The following LCORL variants were observed in gnomAD, a reference collection of about 807,000 sequenced individuals.
LCORL encodes ligand-dependent nuclear receptor corepressor-like protein.
Under a neutral mutation model 141.8 loss-of-function variants are expected in LCORL, and 41 were observed. That is an observed-to-expected ratio of 0.29 (90% confidence interval 0.23 to 0.38). The LOEUF (loss-of-function observed/expected upper bound fraction) is 0.38, where lower values mean the gene tolerates loss of function less well. Ranked by LOEUF, LCORL falls within the 10% of genes least tolerant of loss-of-function variation. The probability of loss-of-function intolerance (pLI) is 1.00; values close to 1 mark genes in which losing one functional copy is unlikely to be tolerated. For missense variants in LCORL, 1,759 were observed against 2,035.0 expected (o/e 0.86, Z 2.61); for synonymous variants, 618 against 694.1 (o/e 0.89, Z 1.72).
At chr4:17,841,617 C>T (rs1285980824) in exon 8 of LCORL, 1 of 151,780 alleles carries the variant, frequency 6.6e-6, no homozygotes, top group Non-Finnish European at 1.5e-5. Flanking sequence ...TGTGGTATAT[C>T]ACACCATGAG....
At chr4:17,885,763 G>T (rs374645677) in intron 6 of LCORL, among the ~76,000 whole-genome samples, 2 of 151,768 alleles carry the variant, frequency 1.3e-5, no homozygotes, top group African/African-American at 4.8e-5. Context: ...TTAAAATTGC[G>T]TCCTGAGTAT....
chr4:17,913,312 GCTTTCAAT>G (rs1732874935), intron 4 of LCORL, among the ~76,000 whole-genome samples: 1 of 152,190 alleles, frequency 6.6e-6, no homozygotes, highest in African/African-American at 2.4e-5. Flanking sequence ...CAACAGCAGA[GCTTTCAAT>G]GAAAAATTTA....
chr4:17,962,032 C>A, exon 4 of LCORL: 4 of 1,578,588 alleles, frequency 2.5e-6, no homozygotes, highest in Non-Finnish European at 3.4e-6. Flanking sequence ...GGTATACAAT[C>A]CTAAAAGTAT....
At chr4:18,009,458 C>T (rs913882898) in intron 1 of LCORL, among the ~76,000 whole-genome samples, 2 of 152,068 alleles carry the variant, frequency 1.3e-5, no homozygotes, top group African/African-American at 4.8e-5. Flanking sequence ...CCTCCCTACC[C>T]TGCTCAGGCT....
intron 4 of LCORL, among the ~76,000 whole-genome samples, chr4:17,949,222 T>C (rs207464329): frequency 6.6e-6 from 1 of 152,072 alleles, no homozygotes; most frequent in Non-Finnish European, 1.5e-5. Context: ...TGACTACGTG[T>C]ACAATTGATG....
intron 2 of LCORL, among the ~76,000 whole-genome samples, chr4:17,964,481 A>C (rs1447917827): frequency 6.6e-6 from 1 of 151,792 alleles, no homozygotes; most frequent in Non-Finnish European, 1.5e-5. Flanking sequence ...TATGTGATTT[A>C]ATAAGGTCAG....
chr4:17,875,451 T>A, exon 7 of LCORL: 2 of 1,231,456 alleles, frequency 1.6e-6, no homozygotes, highest in Non-Finnish European at 2.0e-6. Context: ...GGGACTATTA[T>A]ATTCAGTTGG....
intron 7 of LCORL, among the ~76,000 whole-genome samples, chr4:17,859,169 T>C (rs1255901579): frequency 6.6e-6 from 1 of 152,186 alleles, no homozygotes; most frequent in Non-Finnish European, 1.5e-5. Context: ...TAGTCAACAT[T>C]TTATTGTAAA....
chr4:17,874,601 A>T, exon 7 of LCORL: 1 of 1,233,674 alleles, frequency 8.1e-7, no homozygotes, highest in Non-Finnish European at 1.0e-6. Flanking sequence ...CTCTTTTTTT[A>T]TGAATACAAT....
intron 4 of LCORL, among the ~76,000 whole-genome samples, chr4:17,952,035 A>AGTT (rs1452141958): frequency 3.3e-5 from 5 of 152,364 alleles, no homozygotes; most frequent in Admixed American, 2.6e-4. Flanking sequence ...ACACTATAAT[A>AGTT]CTAACCAGTC....
At chr4:18,019,416 T>C (rs1420805482) in intron 1 of LCORL, among the ~76,000 whole-genome samples, 1 of 152,200 alleles carries the variant, frequency 6.6e-6, no homozygotes. Flanking sequence ...GAAACAATTC[T>C]CAAATATAGT....
intron 1 of LCORL, among the ~76,000 whole-genome samples, chr4:17,985,031 T>C (rs1243199711): frequency 6.6e-6 from 1 of 152,004 alleles, no homozygotes; most frequent in East Asian, 1.9e-4. Flanking sequence ...ATAAACAACG[T>C]GCTATTCAAG....
chr4:17,842,317 A>AAAAG (rs1264806191), exon 8 of LCORL: 1 of 1,611,910 alleles, frequency 6.2e-7, no homozygotes, highest in African/African-American at 1.3e-5. Context: ...AAGGACAGAG[A>AAAAG]AAAGTGACAG....
intron 1 of LCORL, among the ~76,000 whole-genome samples, chr4:18,014,409 A>G (rs559733311): frequency 2.4e-4 from 36 of 152,334 alleles, no homozygotes; most frequent in African/African-American, 7.9e-4. Flanking sequence ...TCAGACTGAA[A>G]GACAGTAAAA....
intron 1 of LCORL, among the ~76,000 whole-genome samples, chr4:17,994,331 A>G (rs1478899964): frequency 6.6e-6 from 1 of 152,132 alleles, no homozygotes; most frequent in Non-Finnish European, 1.5e-5. Flanking sequence ...GTCTCATGTC[A>G]TGCTACTCCC....
chr4:17,848,694 A>C (rs1030770662), intron 7 of LCORL, among the ~76,000 whole-genome samples: 13 of 152,364 alleles, frequency 8.5e-5, no homozygotes, highest in African/African-American at 2.6e-4. Flanking sequence ...CAGCGGGTGC[A>C]GTGCACCGTG....
intron 4 of LCORL, among the ~76,000 whole-genome samples, chr4:17,910,282 C>A (rs11936493): frequency 6.6e-6 from 1 of 152,130 alleles, no homozygotes; most frequent in African/African-American, 2.4e-5. Flanking sequence ...GTGGCTTTTA[C>A]ACACACATTT....
chr4:17,886,734 G>C (rs1728325097), intron 5 of LCORL, among the ~76,000 whole-genome samples: 2 of 151,890 alleles, frequency 1.3e-5, no homozygotes, highest in Non-Finnish European at 2.9e-5. Flanking sequence ...AATAAATTGT[G>C]CTTATATCTA....
exon 7 of LCORL, chr4:17,876,123 T>A: frequency 3.2e-6 from 4 of 1,231,040 alleles, no homozygotes; most frequent in South Asian, 4.1e-5. Context: ...AGGACTAGAA[T>A]AGTTGGAAAC....
Sources: allele counts gnomAD v4.1 joint callset (sites outside exome capture counted in the v4.1 genomes callset), GRCh38; gene constraint gnomAD v4.1.1; transcripts MANE v1.5; gene names NCBI Gene and HGNC (gene_info 2026-07-23, HGNC 2026-07-21).